The following SASH1 variants were observed in gnomAD, a reference collection of about 807,000 sequenced individuals.
SASH1 encodes the protein SAM and SH3 domain-containing protein 1.
Under a neutral mutation model 125.2 loss-of-function variants are expected in SASH1, and 44 were observed. The ratio of observed to expected loss-of-function variants is 0.35; its 90% CI spans 0.28 to 0.45. The LOEUF is 0.45. SASH1 is among the 20% of genes least tolerant of loss of function. SASH1 has a pLI of 1.00. For missense variants in SASH1, 1,426 were observed against 1,614.5 expected (o/e 0.88, Z 2.00); for synonymous variants, 639 against 649.1 (o/e 0.98, Z 0.24).
chr6:148,345,474 C>T (rs1781492185), intron 1 of SASH1, among the ~76,000 whole-genome samples: 1 of 152,174 alleles, frequency 6.6e-6, no homozygotes, highest in Admixed American at 6.5e-5. Flanking sequence ...TGTGTTTGCT[C>T]ATGTTTTCCT....
chr6:148,342,887 C>A lies in SASH1; in HGVS notation c.-181C>A. ...CGCGCAGCCCGTGGCCACCTAGACC[C>A]GAGGTGCGGGCGCCTGCGAAGGGCC... On this transcript the variant is annotated 5_prime_UTR_variant, in exon 1 of 20. Coordinates refer to ENST00000367467, the MANE Select transcript of SASH1 (RefSeq NM_015278.5). The A allele has an allele frequency of 3.1e-6, 1 of 324,858 alleles. No individual in the cohort carries two copies. Among genetic ancestry groups the A allele is most frequent in the Non-Finnish European group, 4.4e-6 (1 of 226,044 alleles). 20.1% of individuals were successfully genotyped at this position (324,858 alleles called of 1,614,324 possible).
At chr6:148,359,551 G>T (rs956717563) in intron 1 of SASH1, among the ~76,000 whole-genome samples, 3 of 152,106 alleles carry the variant, frequency 2.0e-5, no homozygotes, top group Non-Finnish European at 4.4e-5. Context: ...TGGTGAAGAT[G>T]ATGTGAACAT....
chr6:148,224,357 T>TC, the SASH1 span, among the ~76,000 whole-genome samples: 494 of 147,512 alleles, frequency 3.3e-3, 4 homozygotes, highest in African/African-American at 0.012. Flanking sequence ...TAGAGAGGCT[T>TC]CCCCCCAGCC....
intron 1 of SASH1, among the ~76,000 whole-genome samples, chr6:148,352,945 G>C (rs1006471695): frequency 2.1e-4 from 32 of 152,250 alleles, no homozygotes; most frequent in Admixed American, 2.0e-3. Context: ...ACGCCAGCCC[G>C]GGTGACAGAG....
chr6:148,411,359 A>G (rs1327416958), intron 2 of SASH1, among the ~76,000 whole-genome samples: 1 of 152,142 alleles, frequency 6.6e-6, no homozygotes, highest in African/African-American at 2.4e-5. Context: ...CCCAGTAAAC[A>G]TACGCACATA....
At chr6:148,541,506 C>CTT (rs1179851769) in intron 17 of SASH1, among the ~76,000 whole-genome samples, 1 of 151,746 alleles carries the variant, frequency 6.6e-6, no homozygotes, top group Non-Finnish European at 1.5e-5. Context: ...TCAGTTATGT[C>CTT]TGTGTGTGTG....
intron 2 of SASH1, among the ~76,000 whole-genome samples, chr6:148,427,992 T>C (rs1775899680): frequency 6.6e-6 from 1 of 152,244 alleles, no homozygotes; most frequent in Non-Finnish European, 1.5e-5. Context: ...TAATAGTGTG[T>C]TATCTCTGCC....
At chr6:148,322,422 G>A (rs116414382) in intron 1 of SASH1, among the ~76,000 whole-genome samples, 1,954 of 152,028 alleles carry the variant, frequency 0.013, 36 homozygotes, top group African/African-American at 0.044. Context: ...AGTTCTTTTC[G>A]GCTTAATTTA....
intron 1 of SASH1, among the ~76,000 whole-genome samples, chr6:148,323,774 C>T (rs1780715435): frequency 6.6e-6 from 1 of 152,030 alleles, no homozygotes. Context: ...CATACATGAG[C>T]CACATGTATG....
At chr6:148,229,133 C>CAAAAAAAAAAAA in the SASH1 span, among the ~76,000 whole-genome samples, 1 of 60,968 alleles carries the variant, frequency 1.6e-5, no homozygotes, top group Non-Finnish European at 3.0e-5. Flanking sequence ...GACTCCATCT[C>CAAAAAAAAAAAA]AAAAAAAAAA....
At chr6:148,545,633 G>T (rs1316137197) in intron 18 of SASH1, among the ~76,000 whole-genome samples, 1 of 152,236 alleles carries the variant, frequency 6.6e-6, no homozygotes, top group Admixed American at 6.5e-5. Context: ...CGAAGGCATT[G>T]TCCTGAAAAA....
intron 2 of SASH1, among the ~76,000 whole-genome samples, chr6:148,426,863 G>A (rs1355862008): frequency 6.6e-6 from 1 of 152,144 alleles, no homozygotes. Flanking sequence ...GGTCGGGCAC[G>A]GTGGCTCACA....
In SASH1 at chr6:148,335,742, G is replaced by C. The variant is rs118122224; in HGVS notation, n.75-54392G>C. On this transcript the variant is annotated intron_variant and non_coding_transcript_variant, in intron 1 of 3. Transcript: ENST00000367469. ...GTTTTCCATAAATGATGACAGCGAT[G>C]GTTACTGCTGCTGTTAATACCTTTA... Among the ~76,000 whole-genome samples, 110 of 152,212 alleles carry C rather than the reference G, an allele frequency of 7.2e-4. 1 individual carries two copies. In the East Asian group the frequency reaches 0.019, roughly 26 times the overall value.
At chr6:148,288,762 A>G (rs1262212491) in intron 1 of SASH1, among the ~76,000 whole-genome samples, 1 of 152,146 alleles carries the variant, frequency 6.6e-6, no homozygotes, top group Admixed American at 6.6e-5. Context: ...CCTGGTAGTA[A>G]TTAGATTGAC....
intron 2 of SASH1, among the ~76,000 whole-genome samples, chr6:148,402,753 C>A (rs574599506): frequency 6.6e-6 from 1 of 151,892 alleles, no homozygotes; most frequent in East Asian, 1.9e-4. Context: ...GGACTACAGG[C>A]GCCCGCCACC....
chr6:148,335,302 A>G (rs1396741571), intron 1 of SASH1, among the ~76,000 whole-genome samples: 2 of 139,924 alleles, frequency 1.4e-5, no homozygotes, highest in Non-Finnish European at 1.6e-5. Context: ...TGTCTCAGGA[A>G]AAAAAAAAAA....
chr6:148,400,098 T>C (rs1045596589), intron 2 of SASH1, among the ~76,000 whole-genome samples: 5 of 152,166 alleles, frequency 3.3e-5, no homozygotes, highest in Non-Finnish European at 5.9e-5. Flanking sequence ...AGGAGTGCAG[T>C]GAATGTTTGC....
chr6:148,215,908 C>A, the SASH1 span, among the ~76,000 whole-genome samples: 2 of 151,828 alleles, frequency 1.3e-5, no homozygotes, highest in Non-Finnish European at 2.9e-5. Context: ...CCCAGGCTGC[C>A]GTGCAATGGT....
At chr6:148,278,071 C>T (rs777643080) in intron 1 of SASH1, among the ~76,000 whole-genome samples, 7 of 149,662 alleles carry the variant, frequency 4.7e-5, no homozygotes, top group African/African-American at 7.4e-5. Flanking sequence ...GACGGAGTCT[C>T]GCTCTCTCAC....
Sources: allele counts gnomAD v4.1 joint callset (sites outside exome capture counted in the v4.1 genomes callset), GRCh38; gene constraint gnomAD v4.1.1; transcripts MANE v1.5; gene names NCBI Gene and HGNC (gene_info 2026-07-23, HGNC 2026-07-21).